Variants in MYO1H observed in about 807,000 individuals in gnomAD.
MYO1H encodes myosin IH.
MYO1H carries 118 observed loss-of-function variants against 149.3 expected under a neutral mutation model. The ratio of observed to expected loss-of-function variants is 0.79; its 90% CI spans 0.68 to 0.92. The LOEUF (loss-of-function observed/expected upper bound fraction) is 0.92. Among genes scored for constraint, MYO1H ranks in the 40% least tolerant of loss-of-function variants. The pLI, the probability that MYO1H is intolerant of heterozygous loss-of-function variation, is 0.00. For missense variants in MYO1H, 1,212 were observed against 1,280.7 expected, an observed-to-expected ratio of 0.95 and a Z score of 0.82; for synonymous variants, 447 against 465.2, an observed-to-expected ratio of 0.96 and a Z score of 0.50.
chr12:109,440,804 A>T, exon 25 of MYO1H: 1 of 1,563,808 alleles, frequency 6.4e-7, no homozygotes, highest in Admixed American at 1.9e-5. Flanking sequence ...CTGCCGCGGG[A>T]TCACAGCTGA....
intron 14 of MYO1H, among the ~76,000 whole-genome samples, chr12:109,415,112 C>T (rs996384793): frequency 6.6e-6 from 1 of 152,172 alleles, no homozygotes; most frequent in African/African-American, 2.4e-5. Flanking sequence ...GTGGACCTAA[C>T]TGATTGAAGA....
At chr12:109,438,936 CA>C (rs1158235010) in intron 23 of MYO1H, among the ~76,000 whole-genome samples, 10 of 152,242 alleles carry the variant, frequency 6.6e-5, no homozygotes, top group Non-Finnish European at 1.5e-4. Flanking sequence ...TGGAGACCAG[CA>C]AACTGGAACG....
At chr12:109,425,807 T>C in intron 17 of MYO1H, 139 bp from the exon 18 acceptor site, 2 of 669,302 alleles carry the variant, frequency 3.0e-6, no homozygotes, top group East Asian at 2.7e-5. Context: ...ATGGGCCAGA[T>C]GGCCACTAGG....
chr12:109,337,725 A>C, the MYO1H span, among the ~76,000 whole-genome samples: 1 of 152,180 alleles, frequency 6.6e-6, no homozygotes, highest in Non-Finnish European at 1.5e-5. Context: ...TTGGGTGGGG[A>C]CACAGCCAAA....
intron 19 of MYO1H, among the ~76,000 whole-genome samples, chr12:109,427,934 A>AT (rs1871446828): frequency 9.9e-6 from 1 of 101,310 alleles, no homozygotes; most frequent in Non-Finnish European, 2.0e-5. Context: ...ATATATATAT[A>AT]TATTAGATGG....
intron 1 of MYO1H, among the ~76,000 whole-genome samples, chr12:109,369,930 G>A (rs991501069): frequency 6.6e-6 from 1 of 152,186 alleles, no homozygotes; most frequent in African/African-American, 2.4e-5. Flanking sequence ...CATGACAGAA[G>A]GCGAAAGGCA....
chr12:109,390,895 T>C (rs1869622163), intron 2 of MYO1H, among the ~76,000 whole-genome samples: 1 of 152,142 alleles, frequency 6.6e-6, no homozygotes, highest in Non-Finnish European at 1.5e-5. Context: ...CTCAAACTCC[T>C]GACCTTGGGT....
chr12:109,432,420 G>C (rs535549426), intron 19 of MYO1H, among the ~76,000 whole-genome samples: 1 of 152,262 alleles, frequency 6.6e-6, no homozygotes, highest in African/African-American at 2.4e-5. Context: ...ACCATACCCG[G>C]TCTCAAGCAT....
upstream of MYO1H, among the ~76,000 whole-genome samples, chr12:109,343,732 G>T (rs1396126146): frequency 1.3e-5 from 2 of 152,158 alleles, no homozygotes; most frequent in Non-Finnish European, 2.9e-5. Context: ...ACATATTGAT[G>T]AATGGAATGA....
intron 1 of MYO1H, among the ~76,000 whole-genome samples, chr12:109,384,550 A>G (rs1869265489): frequency 1.3e-5 from 2 of 151,868 alleles, no homozygotes; most frequent in South Asian, 4.1e-4. Flanking sequence ...TCTTATTGGG[A>G]CACTCTCGTT....
chr12:109,314,213 C>CT, the MYO1H span, among the ~76,000 whole-genome samples: 3,440 of 132,094 alleles, frequency 0.026, 115 homozygotes, highest in African/African-American at 0.081. Flanking sequence ...TTTTCTTTGT[C>CT]TTTTTTTTTT....
chr12:109,432,170 T>A (rs890732710), intron 19 of MYO1H, among the ~76,000 whole-genome samples: 1 of 151,592 alleles, frequency 6.6e-6, no homozygotes, highest in South Asian at 2.1e-4. Flanking sequence ...CCTGGCTAAT[T>A]TTGTTTTGTA....
At position 109,388,861 on chromosome 12, in the gene MYO1H, C is replaced by T; in HGVS notation, c.174+17C>T. 2 of 1,588,874 alleles carry T rather than the reference C, an allele frequency of 1.3e-6. No individual in the cohort carries two copies. Among genetic ancestry groups the T allele is most frequent in the Non-Finnish European group, 1.7e-6 (2 of 1,164,502 alleles). ...CTCATATACGTAACGTGACCCACTT[C>T]TCAGCTGTTTTTCTAGGGTGGTTGT... On this transcript the variant is annotated intron_variant, in intron 2 of 31. Transcript: ENST00000310903.
intron 6 of MYO1H, among the ~76,000 whole-genome samples, chr12:109,403,747 A>T (rs1158521770): frequency 6.6e-6 from 1 of 152,246 alleles, no homozygotes; most frequent in East Asian, 1.9e-4. Context: ...CACCACTTAC[A>T]TGTAACTTGG....
At chr12:109,369,703 T>C (rs1868942548) in intron 1 of MYO1H, among the ~76,000 whole-genome samples, 1 of 152,226 alleles carries the variant, frequency 6.6e-6, no homozygotes, top group African/African-American at 2.4e-5. Flanking sequence ...TTGATGTCTT[T>C]GCCTATGCAT....
Position 109,408,708 on chromosome 12 carries a change from AGAT to A in MYO1H, c.1155+799_1155+801del, listed in dbSNP as rs781474451. The stretch of plus-strand genomic sequence containing the variant: ...AAAATTCATGGAGGTAGGACACAAA[AGAT>A]GATTTTGGAGGCAGTGACTTAGGAC... On this transcript the variant is annotated intron_variant, in intron 10 of 31. Coordinates refer to ENST00000310903, the Ensembl canonical transcript of MYO1H. Among the ~76,000 whole-genome samples, 130 of 152,344 alleles carry A rather than the reference AGAT, an allele frequency of 8.5e-4. 3 individuals are homozygous for A. In the Middle Eastern group the frequency reaches 0.017, roughly 20 times the overall value.
chr12:109,411,869 T>C, intron 13 of MYO1H, 25 bp from the exon 14 acceptor site: 1 of 1,552,578 alleles, frequency 6.4e-7, no homozygotes. Context: ...TGCTGTGGAT[T>C]GAGGCTTCTC....
chr12:109,367,838 T>C lies in MYO1H; in HGVS notation c.12+19866T>C, dbSNP rs74328485. Among the ~76,000 whole-genome samples, 125 of 152,172 alleles carry C rather than the reference T, an allele frequency of 8.2e-4. 2 individuals carry two copies. The East Asian group carries it at 0.022, about 27-fold the overall frequency. On this transcript the variant is annotated intron_variant, in intron 1 of 31. Transcript: ENST00000310903. ...AAGTGCTGGGATTACAGGCGTGAGC[T>C]ACCATGCCTGGCCTATTTTTAAATT...
chr12:109,410,803 C>A, intron 13 of MYO1H, 35 bp downstream of exon 13: 2 of 1,351,414 alleles, frequency 1.5e-6, no homozygotes, highest in Non-Finnish European at 2.1e-6. Context: ...GAGCTATTCA[C>A]CCGGCACTTA....
Sources: gnomAD v4.1 joint callset for allele counts (sites outside exome capture counted in the v4.1 genomes callset) on GRCh38, gnomAD v4.1.1 for gene constraint, MANE v1.5 for transcripts, NCBI Gene and HGNC (gene_info 2026-07-23, HGNC 2026-07-21) for gene names.